The following MEIS2 variants were observed in gnomAD, a reference collection of about 807,000 sequenced individuals.
The protein encoded by MEIS2 is Meis homeobox 2, also known as homeobox protein Meis2.
In MEIS2, 9 loss-of-function variants were observed where a neutral mutation model predicts 58.6. The observed-to-expected ratio is 0.15, with a 90% CI of 0.09 to 0.27. The LOEUF (loss-of-function observed/expected upper bound fraction) is 0.27. Ranked by LOEUF, MEIS2 falls within the 10% of genes least tolerant of loss-of-function variation. The pLI is 1.00. For missense variants in MEIS2, 427 were observed against 635.0 expected, an observed-to-expected ratio of 0.67 and a Z score of 3.52; for synonymous variants, 221 against 228.4, an observed-to-expected ratio of 0.97 and a Z score of 0.29.
chr15:37,008,520 T>C (rs1416263946), intron 8 of MEIS2, among the ~76,000 whole-genome samples: 4 of 152,234 alleles, frequency 2.6e-5, no homozygotes, highest in South Asian at 2.1e-4. Flanking sequence ...CTTATTTCTA[T>C]AATAAGTCAC....
chr15:37,033,321 G>A (rs575948800), intron 8 of MEIS2, among the ~76,000 whole-genome samples: 1 of 152,272 alleles, frequency 6.6e-6, no homozygotes, highest in East Asian at 1.9e-4. Context: ...ATGCATGAAT[G>A]TCAAAATGGG....
intron 7 of MEIS2, among the ~76,000 whole-genome samples, chr15:37,070,618 T>G (rs1201291942): frequency 2.0e-5 from 3 of 152,200 alleles, no homozygotes; most frequent in South Asian, 4.1e-4. Flanking sequence ...TTCTGTTTGT[T>G]TGTTCATTTA....
chr15:36,934,407 CA>C, intron 9 of MEIS2, among the ~76,000 whole-genome samples: 1 of 152,096 alleles, frequency 6.6e-6, no homozygotes, highest in Middle Eastern at 3.4e-3. Flanking sequence ...AATCAATACA[CA>C]AAAAATTCTC....
intron 7 of MEIS2, among the ~76,000 whole-genome samples, chr15:37,042,997 T>A (rs190641285): frequency 5.3e-5 from 8 of 152,330 alleles, no homozygotes; most frequent in Admixed American, 3.9e-4. Flanking sequence ...TATATTCACA[T>A]CCTTTAAAGT....
At chr15:37,073,591 C>T (rs1427317023) in intron 7 of MEIS2, among the ~76,000 whole-genome samples, 1 of 152,090 alleles carries the variant, frequency 6.6e-6, no homozygotes, top group African/African-American at 2.4e-5. Context: ...TGTGCATCTA[C>T]ACATCAGCCC....
intron 8 of MEIS2, among the ~76,000 whole-genome samples, chr15:36,967,080 T>G (rs2059381121): frequency 6.6e-6 from 1 of 152,238 alleles, no homozygotes; most frequent in Admixed American, 6.5e-5. Flanking sequence ...ATTTATTTAT[T>G]CATACTGGGT....
chr15:37,055,690 G>A (rs140759315), intron 7 of MEIS2, among the ~76,000 whole-genome samples: 187 of 152,166 alleles, frequency 1.2e-3, no homozygotes, highest in African/African-American at 4.4e-3. Context: ...TTCTTTTCTC[G>A]CTAAGGTTCA....
chr15:37,028,573 C>T (rs902413109), intron 8 of MEIS2, among the ~76,000 whole-genome samples: 20 of 152,242 alleles, frequency 1.3e-4, no homozygotes, highest in East Asian at 3.9e-4. Flanking sequence ...ATTGTAAAAA[C>T]GACAACAGAT....
intron 7 of MEIS2, among the ~76,000 whole-genome samples, chr15:37,071,232 T>C (rs1890666115): frequency 6.6e-6 from 1 of 152,076 alleles, no homozygotes; most frequent in Non-Finnish European, 1.5e-5. Context: ...ACATAGAAAC[T>C]GTCCTCAAGA....
At chr15:36,995,971 A>ATG (rs2060484251) in intron 8 of MEIS2, among the ~76,000 whole-genome samples, 1 of 7,320 alleles carries the variant, frequency 1.4e-4, no homozygotes, top group African/African-American at 2.8e-4. Context: ...ATATATATAT[A>ATG]TATATATATA....
chr15:37,010,081 TTTTTG>T (rs889951014), intron 8 of MEIS2, among the ~76,000 whole-genome samples: 11 of 152,106 alleles, frequency 7.2e-5, no homozygotes, highest in African/African-American at 2.7e-4. Context: ...CTGTGGGTTT[TTTTTG>T]TTTTGTTTTG....
At chr15:36,903,501 C>A (rs773416546) in intron 9 of MEIS2, among the ~76,000 whole-genome samples, 138 of 152,282 alleles carry the variant, frequency 9.1e-4, no homozygotes, top group Non-Finnish European at 2.9e-4. Context: ...CATTAAAATT[C>A]CAGATCTGGA....
chr15:37,037,010 C>A, intron 7 of MEIS2, 51 bp from the exon 8 acceptor site: 2 of 1,539,660 alleles, frequency 1.3e-6, no homozygotes, highest in South Asian at 1.2e-5. Context: ...AAGGTGCCAA[C>A]AACAAGTGCA....
At chr15:37,013,465 C>T (rs1179864511) in intron 8 of MEIS2, among the ~76,000 whole-genome samples, 1 of 151,274 alleles carries the variant, frequency 6.6e-6, no homozygotes, top group Non-Finnish European at 1.5e-5. Flanking sequence ...CCAGCTACTC[C>T]AGAGACTGAG....
In MEIS2 at chr15:36,922,864, C is replaced by T. The variant is rs138510538; in HGVS notation, c.978-26178G>A. 6.2e-3 allele frequency among the ~76,000 whole-genome samples: 941 copies of T among 152,158 alleles called. 10 individuals carry two copies. Among genetic ancestry groups the T allele is most frequent in the African/African-American group, 0.022 (906 of 41,514 alleles). On this transcript the variant is annotated intron_variant, in intron 9 of 11. Transcript: ENST00000561208. The stretch of plus-strand genomic sequence containing the variant: ...AACTCCTGACCTTGTGATCTGCCTG[C>T]CTTGGCCTCCCAAAGTGTTGGGATT...
At chr15:37,084,938 A>G (rs969941087) in intron 6 of MEIS2, among the ~76,000 whole-genome samples, 61 of 152,216 alleles carry the variant, frequency 4.0e-4, no homozygotes, top group African/African-American at 9.9e-4. Context: ...GACGACTTCA[A>G]TTAAGCCCAC....
chr15:36,940,921 T>C (rs1465781098), intron 9 of MEIS2, among the ~76,000 whole-genome samples: 1 of 152,198 alleles, frequency 6.6e-6, no homozygotes, highest in African/African-American at 2.4e-5. Context: ...ACATCACTTG[T>C]TTCCTGTTTA....
At chr15:37,013,300 G>A (rs541249014) in intron 8 of MEIS2, among the ~76,000 whole-genome samples, 1 of 152,250 alleles carries the variant, frequency 6.6e-6, no homozygotes, top group African/African-American at 2.4e-5. Context: ...GCCAGGCACC[G>A]TGGCTCACAC....
Position 37,001,859 on chromosome 15 carries a change from A to G in MEIS2, c.900+34955T>C, listed in dbSNP as rs138579654. On this transcript the variant is annotated intron_variant, in intron 8 of 11. Coordinates refer to ENST00000561208, the MANE Select transcript of MEIS2 (RefSeq NM_170675.5). ...TATTTTTAAATATGTACTTAAACCT[A>G]TGTTATTATTAAAATCTGAATAGCA... Among the ~76,000 whole-genome samples, 495 of 152,342 alleles carry G rather than the reference A, an allele frequency of 3.2e-3. 1 individual carries two copies. Among genetic ancestry groups the G allele is most frequent in the African/African-American group, 0.011 (468 of 41,572 alleles).
Sources: allele counts gnomAD v4.1 joint callset (sites outside exome capture counted in the v4.1 genomes callset), GRCh38; gene constraint gnomAD v4.1.1; transcripts MANE v1.5; gene names NCBI Gene and HGNC (gene_info 2026-07-23, HGNC 2026-07-21).